Variants in MMP16 observed in about 807,000 individuals in gnomAD.
The protein encoded by MMP16 is matrix metalloproteinase-16.
MMP16 carries 12 observed loss-of-function variants against 67.8 expected under a neutral mutation model. The observed-to-expected ratio is 0.18, with a 90% confidence interval of 0.11 to 0.29. The LOEUF (loss-of-function observed/expected upper bound fraction) is 0.29, where lower values mean the gene tolerates loss of function less well. Ranked by LOEUF, MMP16 falls within the 10% of genes least tolerant of loss-of-function variation. The probability of loss-of-function intolerance (pLI) is 1.00; values close to 1 mark genes in which losing one functional copy is unlikely to be tolerated. For missense variants in MMP16, 475 were observed against 765.7 expected (o/e 0.62, Z 4.48); for synonymous variants, 249 against 255.9 (o/e 0.97, Z 0.26).
chr8:88,146,347 G>A (rs185061052), intron 4 of MMP16, among the ~76,000 whole-genome samples: 4 of 151,830 alleles, frequency 2.6e-5, no homozygotes, highest in African/African-American at 9.6e-5. Context: ...GAATATTGCC[G>A]ACTCCTTTAC....
At position 88,032,718 on chromosome 8, in the gene MMP16, G is replaced by A. The variant is rs1211532156; in HGVS notation, c.*8743C>T. 1.3e-5 allele frequency: 2 copies of A among 151,376 alleles called. No homozygotes were observed. Among genetic ancestry groups the A allele is most frequent in the African/African-American group, 4.9e-5 (2 of 41,196 alleles). The allele number at this position is 151,376 out of a possible 1,614,324, so 9.4% of individuals were successfully genotyped here. On this transcript the variant is annotated 3_prime_UTR_variant, in exon 10 of 10. Transcript: ENST00000286614. ...GTAGAAGCTATCTGAAAAAAAAAAT[G>A]CCAGATTTAAGATGGTATAAGTGTA...
rs142826928 is a variant in MMP16, at chr8:88,091,032, T to C, written c.1084-16289A>G. Among the ~76,000 whole-genome samples the C allele has an allele frequency of 4.7e-3, 717 of 151,924 alleles. 3 individuals are homozygous for C. The highest frequency in any genetic ancestry group is 0.016 in the African/African-American group (681 of 41,518). ...GCTTTTTTGACCTACAGTAACTTAA[T>C]TTGGGGGCTTAGTGAACGTTATCTT... On this transcript the variant is annotated intron_variant, in intron 6 of 9. Coordinates refer to ENST00000286614, the MANE Select transcript of MMP16 (RefSeq NM_005941.5).
intron 1 of MMP16, among the ~76,000 whole-genome samples, chr8:88,282,917 C>A (rs1407566925): frequency 3.3e-5 from 5 of 152,056 alleles, no homozygotes; most frequent in Non-Finnish European, 7.4e-5. Flanking sequence ...TTAAGTCAAG[C>A]TTATTCAAGT....
intron 5 of MMP16, among the ~76,000 whole-genome samples, chr8:88,117,339 G>GT (rs1227701371): frequency 6.6e-6 from 1 of 152,054 alleles, no homozygotes; most frequent in South Asian, 2.1e-4. Context: ...ATGTGAAGAA[G>GT]TATTTCTCAA....
At chr8:88,233,072 A>G (rs1272069190) in intron 1 of MMP16, among the ~76,000 whole-genome samples, 1 of 152,146 alleles carries the variant, frequency 6.6e-6, no homozygotes, top group African/African-American at 2.4e-5. Flanking sequence ...CAGATTTTTC[A>G]TCTGTTACAT....
intron 1 of MMP16, among the ~76,000 whole-genome samples, chr8:88,316,101 A>C (rs1304553575): frequency 1.3e-5 from 2 of 152,178 alleles, no homozygotes; most frequent in Non-Finnish European, 2.9e-5. Context: ...TGCAGAAGAA[A>C]AGTTGAAAGC....
rs16878017 is a variant in MMP16, at chr8:88,096,407, A to T, written c.1083+20100T>A. Among the ~76,000 whole-genome samples the T allele has an allele frequency of 5.8e-3, 883 of 152,060 alleles. 7 individuals are homozygous for T. The highest frequency in any genetic ancestry group is 0.02 in the African/African-American group (844 of 41,532). On this transcript the variant is annotated intron_variant, in intron 6 of 9. Transcript: ENST00000286614. ...TACTTGGATACATTGGCTAATCATA[A>T]CTTCAGTGTCCCTATTTCAAATTTG...
intron 2 of MMP16, among the ~76,000 whole-genome samples, chr8:88,190,367 G>A (rs1809151398): frequency 6.6e-6 from 1 of 152,108 alleles, no homozygotes; most frequent in Admixed American, 6.6e-5. Context: ...TGGTCTTCAG[G>A]CTTTTGTATG....
At chr8:88,272,924 C>G (rs1011311692) in intron 1 of MMP16, among the ~76,000 whole-genome samples, 3 of 151,624 alleles carry the variant, frequency 2.0e-5, no homozygotes, top group African/African-American at 7.3e-5. Flanking sequence ...ATGATTCTGT[C>G]ATTTTAGCCA....
intron 6 of MMP16, among the ~76,000 whole-genome samples, chr8:88,106,153 C>T (rs570255794): frequency 6.6e-6 from 1 of 150,904 alleles, no homozygotes; most frequent in East Asian, 2.0e-4. Flanking sequence ...TACATCACCA[C>T]CCCAGAGACA....
chr8:88,275,632 A>T lies in MMP16; in HGVS notation c.132+51443T>A, dbSNP rs1810636557. ...ATAAATAATACCATTGTGAATATTT[A>T]AAAAACACATAGCAGTGTTTATCTT... is the stretch of plus-strand genomic sequence containing the variant. On this transcript the variant is annotated intron_variant, in intron 1 of 9. Transcript: ENST00000286614. 2.0e-5 allele frequency among the ~76,000 whole-genome samples: 3 copies of T among 151,896 alleles called. No individual in the cohort carries two copies. The East Asian group carries it at 5.8e-4, about 29-fold the overall frequency.
rs75300446 is a variant in MMP16 at position 88,272,764 on chromosome 8, G to A, written c.132+54311C>T. On this transcript the variant is annotated intron_variant, in intron 1 of 9. Coordinates refer to ENST00000286614, the MANE Select transcript of MMP16 (RefSeq NM_005941.5). ...AATTGCAGAACAGTGAACATTGATCGCTAGTGAAATTCTAGCAGAGATGTT... is the reference window on the plus strand; with the variant it reads ...AATTGCAGAACAGTGAACATTGATCACTAGTGAAATTCTAGCAGAGATGTT... Among the ~76,000 whole-genome samples, 747 of 152,248 alleles carry A rather than the reference G, an allele frequency of 4.9e-3. 5 individuals carry two copies. Among genetic ancestry groups the A allele is most frequent in the Admixed American group, 7.8e-3 (120 of 15,290 alleles).
At chr8:88,186,239 C>A in intron 3 of MMP16, 1 of 367,402 alleles carries the variant, frequency 2.7e-6, no homozygotes, top group East Asian at 4.2e-5. Context: ...ATAATATTGA[C>A]ATTTATTCAA....
intron 1 of MMP16, among the ~76,000 whole-genome samples, chr8:88,227,744 T>C (rs1324188649): frequency 6.6e-6 from 1 of 152,048 alleles, no homozygotes; most frequent in Non-Finnish European, 1.5e-5. Flanking sequence ...GCGATATCTA[T>C]AAAGTAAAAT....
At position 88,079,865 on chromosome 8, in the gene MMP16, A is replaced by T. The variant is rs10095294; in HGVS notation, c.1084-5122T>A. On this transcript the variant is annotated intron_variant, in intron 6 of 9. Transcript: ENST00000286614. ...TGCCATTTATGAAAAGTGGGTCCTC[A>T]CCTTACATAGAATCAGCTGGTGCCT... 5.5e-3 allele frequency among the ~76,000 whole-genome samples: 834 copies of T among 152,272 alleles called. 8 individuals carry two copies. The highest frequency in any genetic ancestry group is 0.019 in the African/African-American group (793 of 41,552).
chr8:88,163,384 T>A (rs766220371), intron 4 of MMP16, among the ~76,000 whole-genome samples: 1 of 152,092 alleles, frequency 6.6e-6, no homozygotes, highest in Non-Finnish European at 1.5e-5. Flanking sequence ...TGTCTCTTTT[T>A]GTTTTTTTGA....
intron 7 of MMP16, among the ~76,000 whole-genome samples, chr8:88,056,917 A>T (rs919218370): frequency 6.6e-6 from 1 of 152,150 alleles, no homozygotes; most frequent in African/African-American, 2.4e-5. Context: ...TGATGATACT[A>T]AAAAGCAGAC....
At chr8:88,101,825 T>G (rs1809150248) in intron 6 of MMP16, among the ~76,000 whole-genome samples, 1 of 151,894 alleles carries the variant, frequency 6.6e-6, no homozygotes, top group African/African-American at 2.4e-5. Flanking sequence ...CAGAAGTCCC[T>G]ATATTCTAGT....
chr8:88,237,682 A>AACAAC lies in MMP16; in HGVS notation c.133-40377_133-40376insGTTGT, dbSNP rs34273453. Among the ~76,000 whole-genome samples the AACAAC allele has an allele frequency of 9.2e-3, 516 of 55,902 alleles. 1 individual carries two copies. Among genetic ancestry groups the AACAAC allele is most frequent in the Admixed American group, 0.021 (87 of 4,174 alleles). The allele number at this position is 55,902 out of a possible 152,430, so 36.7% of individuals were successfully genotyped here. A position where few individuals can be genotyped will look rare whatever the true frequency, so the allele number is the denominator to read the frequency against. On this transcript the variant is annotated intron_variant, in intron 1 of 9. Coordinates refer to ENST00000286614, the MANE Select transcript of MMP16 (RefSeq NM_005941.5). ...GAACAACAACAACAACAACAACAACAAAAAACAACTGCATCTTGGGTATGG... is the reference window on the plus strand; with the variant it reads ...GAACAACAACAACAACAACAACAACAACAACAAAAACAACTGCATCTTGGGTATGG...
Sources: allele counts gnomAD v4.1 joint callset (sites outside exome capture counted in the v4.1 genomes callset), GRCh38; gene constraint gnomAD v4.1.1; transcripts MANE v1.5; gene names NCBI Gene and HGNC (gene_info 2026-07-23, HGNC 2026-07-21).